The following BMPR1A variants were observed in gnomAD, a reference collection of about 807,000 sequenced individuals.
The protein encoded by BMPR1A is bone morphogenetic protein receptor type-1A.
In BMPR1A, 7 loss-of-function variants were observed where a neutral mutation model predicts 66.0. That is an observed-to-expected ratio of 0.11 (90% CI 0.06 to 0.20). BMPR1A has a LOEUF of 0.20. BMPR1A is among the 10% of genes least tolerant of loss of function. The pLI is 1.00. For synonymous variants in BMPR1A, 200 were observed against 229.7 expected (o/e 0.87, Z 1.17); for missense variants, 408 against 669.1 (o/e 0.61, Z 4.31).
chr10:86,892,512 C>T (rs558540512), intron 5 of BMPR1A, among the ~76,000 whole-genome samples: 8 of 152,126 alleles, frequency 5.3e-5, no homozygotes, highest in Non-Finnish European at 8.8e-5. Flanking sequence ...CTGCGATCTC[C>T]GCTCACTGCA....
intron 1 of BMPR1A, among the ~76,000 whole-genome samples, chr10:86,805,998 C>G (rs1002242285): frequency 2.6e-5 from 4 of 151,086 alleles, no homozygotes; most frequent in African/African-American, 9.8e-5. Flanking sequence ...CTCCTTCTCT[C>G]TGAAGCAGTT....
intron 1 of BMPR1A, among the ~76,000 whole-genome samples, chr10:86,759,561 A>G (rs1465743482): frequency 6.6e-6 from 1 of 152,058 alleles, no homozygotes; most frequent in East Asian, 1.9e-4. Flanking sequence ...CCATTTCATC[A>G]TATCTTGTCT....
intron 1 of BMPR1A, among the ~76,000 whole-genome samples, chr10:86,769,408 A>G (rs1362560877): frequency 6.6e-6 from 1 of 152,256 alleles, no homozygotes; most frequent in African/African-American, 2.4e-5. Context: ...CGTGGACAAC[A>G]TAGCGAGACC....
Position 86,839,748 on chromosome 10 carries a change from C to T in BMPR1A, c.-153+769C>T, listed in dbSNP as rs574503009. Among the ~76,000 whole-genome samples, 9 of 151,594 alleles carry T rather than the reference C, an allele frequency of 5.9e-5. No homozygotes were observed. The East Asian group carries it at 1.4e-3, about 23-fold the overall frequency. On this transcript the variant is annotated intron_variant, in intron 2 of 12. Coordinates refer to ENST00000372037, the MANE Select transcript of BMPR1A (RefSeq NM_004329.3). The stretch of plus-strand genomic sequence containing the variant: ...ACTGCAGTGAGCATAGTTTCAACTC[C>T]CTGGGCTCAAGCGATCCTTCTGCCT...
chr10:86,875,771 T>C (rs956539689), intron 2 of BMPR1A, 96 bp from the exon 3 acceptor site: 5 of 565,874 alleles, frequency 8.8e-6, no homozygotes, highest in African/African-American at 3.8e-5. Context: ...TTTCATTGTT[T>C]AAAGGTGTGT....
intron 1 of BMPR1A, among the ~76,000 whole-genome samples, chr10:86,801,545 G>A (rs1841810583): frequency 6.6e-6 from 1 of 152,014 alleles, no homozygotes; most frequent in Admixed American, 6.6e-5. Flanking sequence ...CATTACCCCT[G>A]TTTTTGGTTC....
intron 1 of BMPR1A, among the ~76,000 whole-genome samples, chr10:86,762,391 C>G (rs2132595253): frequency 6.6e-6 from 1 of 152,278 alleles, no homozygotes; most frequent in Admixed American, 6.5e-5. Context: ...CGGAGTCTTG[C>G]TATGTTTCCC....
intron 1 of BMPR1A, among the ~76,000 whole-genome samples, chr10:86,776,579 C>T (rs1439788157): frequency 3.3e-5 from 5 of 152,012 alleles, no homozygotes; most frequent in Non-Finnish European, 7.4e-5. Context: ...TGTTGCAGAC[C>T]CCCTTTCCTT....
chr10:86,919,524 T>A, intron 10 of BMPR1A, 55 bp downstream of exon 10: 1 of 1,592,322 alleles, frequency 6.3e-7, no homozygotes, highest in Non-Finnish European at 8.6e-7. Context: ...CAAAAGATAT[T>A]TCCCTATTTG....
intron 4 of BMPR1A, 61 bp downstream of exon 4, chr10:86,890,285 T>C: frequency 6.3e-7 from 1 of 1,593,442 alleles, no homozygotes; most frequent in Non-Finnish European, 8.6e-7. Flanking sequence ...TTAGTGCTAT[T>C]TTAAGAATTA....
At chr10:86,905,235 T>C (rs1183680102) in intron 7 of BMPR1A, among the ~76,000 whole-genome samples, 1 of 152,192 alleles carries the variant, frequency 6.6e-6, no homozygotes, top group Non-Finnish European at 1.5e-5. Flanking sequence ...TCTGGAACCA[T>C]GGCCTCCCTC....
chr10:86,878,386 T>A (rs1193519280), intron 3 of BMPR1A, among the ~76,000 whole-genome samples: 1 of 152,242 alleles, frequency 6.6e-6, no homozygotes, highest in African/African-American at 2.4e-5. Flanking sequence ...GATACTTAGT[T>A]CTTATTTTTT....
At position 86,858,191 on chromosome 10, in the gene BMPR1A, T is replaced by C. The variant is rs180712670; in HGVS notation, c.-152-17676T>C. 5.1e-3 allele frequency among the ~76,000 whole-genome samples: 772 copies of C among 152,316 alleles called. 7 individuals carry two copies. The highest frequency in any genetic ancestry group is 0.042 in the South Asian group (203 of 4,822). ...CACTAGATGAAGCAAAAGCACTTGA[T>C]GAAATTTAACTCCATGATGAAACCT... is the stretch of plus-strand genomic sequence containing the variant. On this transcript the variant is annotated intron_variant, in intron 2 of 12. Transcript: ENST00000372037.
chr10:86,892,367 G>A (rs1283492354), intron 5 of BMPR1A, 138 bp downstream of exon 5: 3 of 677,082 alleles, frequency 4.4e-6, no homozygotes, highest in Non-Finnish European at 7.9e-6. Flanking sequence ...AATACCTACT[G>A]TCTAGATTCT....
chr10:86,871,569 T>C lies in BMPR1A; in HGVS notation c.-152-4298T>C, dbSNP rs554282772. ...GCTCACGCCTGTAATCCCAACACTTTGGGAGGTTTAGGCGGGTGGATTGCT... is the reference window on the plus strand; with the variant it reads ...GCTCACGCCTGTAATCCCAACACTTCGGGAGGTTTAGGCGGGTGGATTGCT... On this transcript the variant is annotated intron_variant, in intron 2 of 12. Transcript: ENST00000372037. 2.0e-3 allele frequency among the ~76,000 whole-genome samples: 304 copies of C among 152,270 alleles called. 1 individual carries two copies. The highest frequency in any genetic ancestry group is 3.7e-3 in the Non-Finnish European group (255 of 68,020).
rs184223522 is a variant in BMPR1A at position 86,790,973 on chromosome 10, G to A, written c.-268+34054G>A. 3.3e-5 allele frequency among the ~76,000 whole-genome samples: 5 copies of A among 152,296 alleles called. No homozygotes were observed. The East Asian group carries it at 9.6e-4, about 29-fold the overall frequency. On this transcript the variant is annotated intron_variant, in intron 1 of 12. Coordinates refer to ENST00000372037, the MANE Select transcript of BMPR1A (RefSeq NM_004329.3). ...AGAAAATGAATGGCCATAGCCTTTGGAGAACAAATCCTTTCATGGTTTTTC... is the reference window on the plus strand; with the variant it reads ...AGAAAATGAATGGCCATAGCCTTTGAAGAACAAATCCTTTCATGGTTTTTC...
At chr10:86,855,841 A>C in intron 2 of BMPR1A, 1 of 890,056 alleles carries the variant, frequency 1.1e-6, no homozygotes. Flanking sequence ...GCTCATTATC[A>C]CTGCTGCTGT....
At chr10:86,852,804 T>G (rs1029531641) in intron 2 of BMPR1A, among the ~76,000 whole-genome samples, 2 of 152,182 alleles carry the variant, frequency 1.3e-5, no homozygotes, top group Non-Finnish European at 2.9e-5. Flanking sequence ...CATTTAATCT[T>G]CACAAAGCCA....
chr10:86,767,321 C>G (rs1841182052), intron 1 of BMPR1A, among the ~76,000 whole-genome samples: 1 of 152,064 alleles, frequency 6.6e-6, no homozygotes, highest in African/African-American at 2.4e-5. Flanking sequence ...ATGCTTTGTA[C>G]AAAGTAAATG....
Sources: allele counts gnomAD v4.1 joint callset (sites outside exome capture counted in the v4.1 genomes callset), GRCh38; gene constraint gnomAD v4.1.1; transcripts MANE v1.5; gene names NCBI Gene and HGNC (gene_info 2026-07-23, HGNC 2026-07-21).